Variants in PLXNA4 observed in about 807,000 individuals in gnomAD.
The protein encoded by PLXNA4 is plexin A4.
Under a neutral mutation model 191.8 loss-of-function variants are expected in PLXNA4, and 44 were observed. That is an observed-to-expected ratio of 0.23 (90% CI 0.18 to 0.29). The LOEUF (loss-of-function observed/expected upper bound fraction) is 0.29. Ranked by LOEUF, PLXNA4 falls within the 10% of genes least tolerant of loss-of-function variation. The probability of loss-of-function intolerance (pLI) is 1.00; values close to 1 mark genes in which losing one functional copy is unlikely to be tolerated. For synonymous variants in PLXNA4, 1,082 were observed against 1,009.5 expected (o/e 1.07, Z -1.36); for missense variants, 1,800 against 2,488.8 (o/e 0.72, Z 5.89).
chr7:132,185,484 G>T, intron 15 of PLXNA4, 21 bp from the exon 16 acceptor site: 2 of 1,601,972 alleles, frequency 1.2e-6, no homozygotes, highest in Non-Finnish European at 1.7e-6. Context: ...GGAAGACAGA[G>T]CACTGGGCGC....
chr7:132,576,962 G>A (rs930183664), upstream of PLXNA4: 1 of 147,208 alleles, frequency 6.8e-6, no homozygotes, highest in African/African-American at 2.4e-5. The surrounding 1 kb of genome is among the most constrained non-coding windows in gnomAD (Gnocchi z 5.8). Flanking sequence ...CGCCTCTCTG[G>A]GTAGCGGCGG....
chr7:132,611,983 C>T (rs1803055707), intron 2 of PLXNA4, among the ~76,000 whole-genome samples: 1 of 152,198 alleles, frequency 6.6e-6, no homozygotes, highest in Non-Finnish European at 1.5e-5. Context: ...CACCTTAAGG[C>T]TGCTTCACAG....
chr7:132,538,134 C>T (rs570377675), intron 1 of PLXNA4, among the ~76,000 whole-genome samples: 9 of 152,352 alleles, frequency 5.9e-5, no homozygotes, highest in African/African-American at 2.2e-4. Flanking sequence ...GTGTACCAGG[C>T]TTGCAGACAC....
chr7:132,368,736 G>A (rs1022895532), intron 3 of PLXNA4, among the ~76,000 whole-genome samples: 3 of 152,202 alleles, frequency 2.0e-5, no homozygotes, highest in Admixed American at 6.5e-5. Context: ...ACAAGCAGAC[G>A]TCTGCTGAGG....
At chr7:132,502,444 G>A (rs1215618755) in intron 2 of PLXNA4, among the ~76,000 whole-genome samples, 2 of 152,204 alleles carry the variant, frequency 1.3e-5, no homozygotes, top group African/African-American at 4.8e-5. Context: ...AGAGTCAGGT[G>A]GGAGCTGGGT....
chr7:132,242,414 T>C (rs540182818), intron 4 of PLXNA4, among the ~76,000 whole-genome samples: 2 of 152,312 alleles, frequency 1.3e-5, no homozygotes, highest in African/African-American at 4.8e-5. Flanking sequence ...TGATGTCTGC[T>C]TGGCAGGGGC....
intron 14 of PLXNA4, among the ~76,000 whole-genome samples, chr7:132,193,092 G>A (rs1797144724): frequency 6.6e-6 from 1 of 152,188 alleles, no homozygotes; most frequent in Admixed American, 6.5e-5. Flanking sequence ...GTCATGTCTT[G>A]AAAGCTTAAT....
chr7:132,513,707 C>G (rs963454704), intron 1 of PLXNA4, among the ~76,000 whole-genome samples: 3 of 102,370 alleles, frequency 2.9e-5, no homozygotes, highest in Non-Finnish European at 4.3e-5. Context: ...GAGTCACCAT[C>G]TGTCACCCAG....
At chr7:132,282,707 G>GAACACC (rs1800531426) in intron 4 of PLXNA4, among the ~76,000 whole-genome samples, 2 of 139,654 alleles carry the variant, frequency 1.4e-5, no homozygotes, top group African/African-American at 5.2e-5. Flanking sequence ...ATCGGAGAGT[G>GAACACC]TTCCTTCTTA....
chr7:132,224,647 A>G (rs1798253720), intron 8 of PLXNA4, among the ~76,000 whole-genome samples: 1 of 152,052 alleles, frequency 6.6e-6, no homozygotes, highest in Non-Finnish European at 1.5e-5. Context: ...GATTTCACCT[A>G]TTTACTCTGC....
rs1182839263 is a variant in PLXNA4 at position 132,489,279 on chromosome 7, AC to A, written c.1371+12del. On this transcript the variant is annotated intron_variant, in intron 3 of 31. Coordinates refer to ENST00000321063, the MANE Select transcript of PLXNA4 (RefSeq NM_020911.2). Reference sequence around the variant, plus strand: ...TCTTCACAGTAACCAAAAGTACTGCACCTCATTCCTACCTTCTTCAGCTTGC... The same window carrying A: ...TCTTCACAGTAACCAAAAGTACTGCACTCATTCCTACCTTCTTCAGCTTGC... The A allele has an allele frequency of 6.3e-7, 1 of 1,576,504 alleles. No homozygotes were observed. The highest frequency in any genetic ancestry group is 1.7e-5 in the Admixed American group (1 of 59,434).
At position 132,127,557 on chromosome 7, in the gene PLXNA4, A is replaced by C. The variant is rs1247607205; in HGVS notation, c.*2922T>G. ...TTAAATACCATATCACACGTGCACC[A>C]AGAATCCAAACGGAAGAAATGGAAA... On this transcript the variant is annotated 3_prime_UTR_variant, in exon 32 of 32. Transcript: ENST00000321063. 6.6e-6 allele frequency: 1 copy of C among 152,222 alleles called. No individual in the cohort carries two copies. The highest frequency in any genetic ancestry group is 2.4e-5 in the African/African-American group (1 of 41,460). 9.4% of individuals were successfully genotyped at this position (152,222 alleles called of 1,614,324 possible).
chr7:132,256,788 G>A (rs935954086), intron 4 of PLXNA4, among the ~76,000 whole-genome samples: 1 of 152,160 alleles, frequency 6.6e-6, no homozygotes, highest in Non-Finnish European at 1.5e-5. Context: ...AACTGGCCTT[G>A]ACCATAGGGA....
At chr7:132,490,702 G>A (rs951439420) in intron 2 of PLXNA4, among the ~76,000 whole-genome samples, 2 of 152,054 alleles carry the variant, frequency 1.3e-5, no homozygotes, top group Non-Finnish European at 2.9e-5. Context: ...CTAGCATTAC[G>A]GGTGTGAGCC....
Position 132,179,852 on chromosome 7 carries a change from G to A in PLXNA4, c.3709C>T (p.Pro1237Ser). The change falls in exon 20 of 32, where the codon CCC becomes TCC. Residue 1237 changes from proline (P) to serine (S), a missense_variant. By Grantham distance (74) the Pro-to-Ser change is moderately conservative (BLOSUM62 -1). Coordinates refer to ENST00000321063, the MANE Select transcript of PLXNA4 (RefSeq NM_020911.2). ...YIAPDSPLSL[P>S]AIVSIAVAGG... The stretch of plus-strand genomic sequence containing the variant: ...GCCACTGCGATGCTGACGATGGCGG[G>A]CAGGCTGAGCGGGCTGTCCGGGGCA... The A allele has an allele frequency of 2.5e-6, 4 of 1,613,448 alleles. No individual in the cohort carries two copies. Among genetic ancestry groups the A allele is most frequent in the Non-Finnish European group, 3.4e-6 (4 of 1,179,948 alleles).
At chr7:132,301,541 G>A (rs745458257) in intron 3 of PLXNA4, among the ~76,000 whole-genome samples, 6 of 152,220 alleles carry the variant, frequency 3.9e-5, no homozygotes, top group Non-Finnish European at 8.8e-5. Flanking sequence ...GGCACAGGCT[G>A]CACCCTTACC....
chr7:132,532,508 G>C (rs1249524794), intron 1 of PLXNA4, among the ~76,000 whole-genome samples: 1 of 152,136 alleles, frequency 6.6e-6, no homozygotes, highest in Admixed American at 6.5e-5. Flanking sequence ...TTTCTTTCCT[G>C]CCTTGTTTGA....
intron 24 of PLXNA4, among the ~76,000 whole-genome samples, chr7:132,160,159 A>G (rs1795906494): frequency 6.6e-6 from 1 of 152,202 alleles, no homozygotes; most frequent in Non-Finnish European, 1.5e-5. Context: ...CTTTCTCCAA[A>G]TATTTCACAA....
intron 2 of PLXNA4, among the ~76,000 whole-genome samples, chr7:132,499,958 T>C (rs546986750): frequency 6.6e-6 from 1 of 152,234 alleles, no homozygotes; most frequent in South Asian, 2.1e-4. Context: ...AGGGAAAACA[T>C]GTAAATTGAG....
Sources: allele counts gnomAD v4.1 joint callset (sites outside exome capture counted in the v4.1 genomes callset), GRCh38; gene constraint gnomAD v4.1.1; non-coding constraint Gnocchi (gnomAD v3.1); transcripts MANE v1.5; gene names NCBI Gene and HGNC (gene_info 2026-07-23, HGNC 2026-07-21).